Variants in SVEP1 observed in about 807,000 individuals in gnomAD.
SVEP1 encodes the protein sushi, von Willebrand factor type A, EGF and pentraxin domain-containing protein 1.
SVEP1 carries 164 observed loss-of-function variants against 367.3 expected under a neutral mutation model. The observed-to-expected ratio is 0.45, with a 90% confidence interval of 0.39 to 0.51. The LOEUF (loss-of-function observed/expected upper bound fraction) is 0.51, where lower values mean the gene tolerates loss of function less well. SVEP1 is among the 20% of genes least tolerant of loss of function. The pLI is 0.00. For missense variants in SVEP1, 4,117 were observed against 4,425.3 expected (o/e 0.93, Z 1.98); for synonymous variants, 1,666 against 1,611.6 (o/e 1.03, Z -0.81).
intron 5 of SVEP1, among the ~76,000 whole-genome samples, chr9:110,509,637 A>T (rs1316249237): frequency 6.6e-6 from 1 of 152,134 alleles, no homozygotes; most frequent in Admixed American, 6.5e-5. Flanking sequence ...CAGTCTCCTA[A>T]GTAGCTGGGA....
At chr9:110,436,554 T>G in intron 27 of SVEP1, 50 bp from the exon 28 acceptor site, 1 of 1,569,414 alleles carries the variant, frequency 6.4e-7, no homozygotes, top group African/African-American at 1.4e-5. Context: ...CCTGATGGTC[T>G]GTTATTCCTA....
Position 110,407,314 on chromosome 9 carries a change from C to T in SVEP1, c.8286G>A (p.Lys2762=). ...CACAGCGTGGGGAGGCACCACTCCACTTTCTATTCTCTAGACAAAGCCTTA... is the reference window on the plus strand; with the variant it reads ...CACAGCGTGGGGAGGCACCACTCCATTTTCTATTCTCTAGACAAAGCCTTA... ...SDLRLCLENR[K]WSGASPRCEA... is the part of the protein sequence containing the mutation. The change falls in exon 38 of 48, where the codon AAG becomes AAA. Residue 2762 remains lysine, a synonymous_variant. Transcript: ENST00000374469. The T allele has an allele frequency of 6.2e-7, 1 of 1,614,006 alleles. No homozygotes were observed. Among genetic ancestry groups the T allele is most frequent in the Non-Finnish European group, 8.5e-7 (1 of 1,179,880 alleles).
intron 40 of SVEP1, among the ~76,000 whole-genome samples, chr9:110,399,951 G>A (rs531215056): frequency 1.3e-5 from 2 of 152,130 alleles, no homozygotes; most frequent in Admixed American, 6.5e-5. Context: ...TTAGTGATAC[G>A]GTAATGCTTT....
rs201066485 is a variant in SVEP1 at position 110,431,922 on chromosome 9, G to C, written c.5346C>G (p.Asn1782Lys). ...TCTACATATATTGGTTACCTGCACA[G>C]TTTTTCCCATCTCCTGTGTACGGTG... ...CVPPYTGDGK[N>K]CAEPIKCKAP... is the part of the protein sequence containing the mutation. The change falls in exon 32 of 48, where the codon AAC becomes AAG. Residue 1782 changes from asparagine (N) to lysine (K), a missense_variant. Around this residue, in one of 4 missense-constraint regions of SVEP1, gnomAD observed 2,174 missense variants for 2,494.3 expected, o/e 0.87. Coordinates refer to ENST00000374469, the MANE Select transcript of SVEP1 (RefSeq NM_153366.4). The C allele has an allele frequency of 3.9e-4, 631 of 1,613,562 alleles. 4 individuals are homozygous for C. The highest frequency in any genetic ancestry group is 6.8e-6 in the Non-Finnish European group (8 of 1,179,648).
In SVEP1 at chr9:110,406,124, C is replaced by T. The variant is rs1490710617; in HGVS notation, c.9440+36G>A. 2.0e-6 allele frequency: 3 copies of T among 1,516,402 alleles called. No individual in the cohort carries two copies. The East Asian group carries it at 6.8e-5, about 34-fold the overall frequency. The allele number at this position is 1,516,402 out of a possible 1,614,324, so 93.9% of individuals were successfully genotyped here. A position where few individuals can be genotyped will look rare whatever the true frequency, so the allele number is the denominator to read the frequency against. On this transcript the variant is annotated intron_variant, in intron 38 of 47. Coordinates refer to ENST00000374469, the MANE Select transcript of SVEP1 (RefSeq NM_153366.4). ...ATCACATTTCATTTCATAATCCTGC[C>T]CGCACCCCTTGGAGACCCTAGAGCC...
At chr9:110,527,014 G>T in intron 3 of SVEP1, among the ~76,000 whole-genome samples, 1 of 152,120 alleles carries the variant, frequency 6.6e-6, no homozygotes, top group East Asian at 1.9e-4. Context: ...GGTTACAATA[G>T]GTTAAAGGTG....
Position 110,481,310 on chromosome 9 carries a change from T to C in SVEP1, c.2297A>G (p.Lys766Arg). Residue 766 changes from lysine to arginine, a missense_variant, in exon 12 of 48, where the codon AAG (lysine) becomes AGG (arginine). By Grantham distance (26) the Lys-to-Arg change is conservative (BLOSUM62 2). Transcript: ENST00000374469. ...GYDFTEGSTD[K>R]YYCAYEDGVW... ...GCCATCTTCATAAGCACAATAATAC[T>C]TGTCAGTAGACCCTTCTGTGAAATC... is the stretch of plus-strand genomic sequence containing the variant. 1 of 1,611,382 alleles carries C rather than the reference T, an allele frequency of 6.2e-7. No homozygotes were observed. The highest frequency in any genetic ancestry group is 8.5e-7 in the Non-Finnish European group (1 of 1,178,700).
In SVEP1 at chr9:110,401,040, G is replaced by C. The variant is rs773475118; in HGVS notation, c.9667-31C>G. On this transcript the variant is annotated intron_variant, in intron 39 of 47. Coordinates refer to ENST00000374469, the MANE Select transcript of SVEP1 (RefSeq NM_153366.4). The stretch of plus-strand genomic sequence containing the variant: ...TGACAAATAACAAAATGTAAGTTAT[G>C]TTTAGAAGTTAATACATATGAATGA... 18 of 1,610,086 alleles carry C rather than the reference G, an allele frequency of 1.1e-5. No homozygotes were observed. In the South Asian group the frequency reaches 1.9e-4, roughly 17 times the overall value.
chr9:110,367,497 G>A (rs1012570665), intron 47 of SVEP1, among the ~76,000 whole-genome samples: 3 of 152,096 alleles, frequency 2.0e-5, no homozygotes, highest in Non-Finnish European at 4.4e-5. Context: ...ATTCAGTCTC[G>A]TAGGAGAGAA....
chr9:110,570,467 C>CGTGTGTGTGTGTGTGTGTGTGT (rs59503025), intron 1 of SVEP1, among the ~76,000 whole-genome samples: 35 of 146,938 alleles, frequency 2.4e-4, no homozygotes, highest in South Asian at 8.9e-4. Flanking sequence ...GTTTCTGTTG[C>CGTGTGTGTGTGTGTGTGTGTGT]GTGTGTGTGT....
rs1160149265 is a variant in SVEP1 at position 110,472,163 on chromosome 9, G to T, written c.2760C>A (p.Ile920=). 6.2e-7 allele frequency: 1 copy of T among 1,610,586 alleles called. No individual in the cohort carries two copies. The highest frequency in any genetic ancestry group is 1.7e-4 in the Middle Eastern group (1 of 6,058). The part of the protein sequence containing the change: ...SDYKIKLIFN[I]TASVPLPDER... ...AAATAGACAGTTTATCCTTACCTGT[G>T]ATGTTAAAAATTAACTTAATTTTAT... Residue 920 remains isoleucine (I), a synonymous_variant, in exon 15 of 48, where the codon ATC becomes ATA. Transcript: ENST00000374469.
At chr9:110,374,483 C>T (rs1827320681) in intron 46 of SVEP1, among the ~76,000 whole-genome samples, 1 of 152,098 alleles carries the variant, frequency 6.6e-6, no homozygotes, top group Non-Finnish European at 1.5e-5. Flanking sequence ...AACTCTGTCT[C>T]TACTAAAAAT....
chr9:110,549,084 G>T (rs1445576626), intron 2 of SVEP1, among the ~76,000 whole-genome samples: 7 of 152,076 alleles, frequency 4.6e-5, no homozygotes, highest in Non-Finnish European at 1.5e-5. Context: ...ATGGATATCT[G>T]CAAGGATCAA....
At chr9:110,450,005 A>G in intron 24 of SVEP1, 54 bp downstream of exon 24, 2 of 1,587,822 alleles carry the variant, frequency 1.3e-6, no homozygotes, top group Non-Finnish European at 8.6e-7. Flanking sequence ...CTGCAGAATC[A>G]CTGAATAGTT....
At position 110,579,374 on chromosome 9, in the gene SVEP1, G is replaced by A. The variant is rs892466712; in HGVS notation, c.170C>T (p.Ala57Val). 4.5e-6 allele frequency: 7 copies of A among 1,561,640 alleles called. No individual in the cohort carries two copies. In the African/African-American group the frequency reaches 9.5e-5, roughly 21 times the overall value. Residue 57 changes from alanine (A) to valine (V), a missense_variant, in exon 1 of 48, where the codon GCG becomes GTG. By Grantham distance (64) the Ala-to-Val change is moderately conservative. This residue lies in a region of SVEP1 where 161 missense variants were observed against 122.4 expected (regional missense o/e 1.32). Transcript: ENST00000374469. The surrounding 1 kb of genome is among the most constrained non-coding windows in gnomAD (Gnocchi z 5.3). ...GCCCAGCCGCTCCACTCTGCTCCCC[G>A]CCGCTTCGTCGCCAGGAGCGGGCGG... Reference protein sequence around the residue: ...PAPPAPGDEAAGSRVERLGQA... With the variant: ...PAPPAPGDEAVGSRVERLGQA...
At chr9:110,429,814 A>G (rs1439868726) in intron 34 of SVEP1, 106 bp downstream of exon 34, 2 of 872,416 alleles carry the variant, frequency 2.3e-6, no homozygotes, top group Non-Finnish European at 3.6e-6. Context: ...ATTAATTCAA[A>G]AATGTCCTCT....
At chr9:110,566,788 A>G (rs536589946) in intron 1 of SVEP1, among the ~76,000 whole-genome samples, 2 of 152,308 alleles carry the variant, frequency 1.3e-5, no homozygotes, top group African/African-American at 2.4e-5. Context: ...CGATATGGAG[A>G]GAGGACATGA....
At chr9:110,393,331 A>G (rs1827697518) in intron 40 of SVEP1, among the ~76,000 whole-genome samples, 1 of 152,236 alleles carries the variant, frequency 6.6e-6, no homozygotes, top group South Asian at 2.1e-4. Flanking sequence ...CTATCATATG[A>G]TAATTCTTGT....
intron 3 of SVEP1, among the ~76,000 whole-genome samples, chr9:110,542,851 ATATACT>A: frequency 6.6e-6 from 1 of 151,068 alleles, no homozygotes; most frequent in African/African-American, 2.4e-5. Flanking sequence ...GCATTAGGAG[ATATACT>A]TAATGTGAAT....
Sources: allele counts gnomAD v4.1 joint callset (sites outside exome capture counted in the v4.1 genomes callset), GRCh38; gene constraint gnomAD v4.1.1; regional missense constraint gnomAD v4.1.1; non-coding constraint Gnocchi (gnomAD v3.1); transcripts MANE v1.5; gene names NCBI Gene and HGNC (gene_info 2026-07-23, HGNC 2026-07-21).